TP53BP2: variants seen among roughly 807,000 people sequenced by gnomAD.
The protein encoded by TP53BP2 is apoptosis-stimulating of p53 protein 2.
TP53BP2 carries 62 observed loss-of-function variants against 126.2 expected under a neutral mutation model. That is an observed-to-expected ratio of 0.49 (90% confidence interval 0.40 to 0.61). The LOEUF (loss-of-function observed/expected upper bound fraction) is 0.61. Ranked by LOEUF, TP53BP2 falls within the 20% of genes least tolerant of loss-of-function variation. TP53BP2 has a pLI of 0.00. For synonymous variants in TP53BP2, 485 were observed against 502.9 expected (o/e 0.96, Z 0.48); for missense variants, 1,215 against 1,402.8 (o/e 0.87, Z 2.14).
Position 223,798,246 on chromosome 1 carries a change from C to A in TP53BP2, c.1917G>T (p.Lys639Asn). Reference protein sequence around the residue: ...FQQAVQSALTKTHTRGPHFSS... With the variant: ...FQQAVQSALTNTHTRGPHFSS... Reference sequence around the variant, plus strand: ...AAAAGTGTGGCCCTCTGGTATGAGTCTTGGTCAACGCGCTCTGCACAGCCT... The same window carrying A: ...AAAAGTGTGGCCCTCTGGTATGAGTATTGGTCAACGCGCTCTGCACAGCCT... Residue 639 changes from lysine to asparagine, a missense_variant, in exon 12 of 18, where the codon AAG becomes AAT. Physicochemically the swap from Lys to Asn is moderately conservative, Grantham distance 94. Transcript: ENST00000343537. 6.2e-7 allele frequency: 1 copy of A among 1,614,082 alleles called. No homozygotes were observed. Among genetic ancestry groups the A allele is most frequent in the Non-Finnish European group, 8.5e-7 (1 of 1,180,008 alleles).
intron 1 of TP53BP2, among the ~76,000 whole-genome samples, chr1:223,837,155 A>AG (rs139243545): frequency 0.12 from 8,914 of 74,186 alleles, 435 homozygotes; most frequent in South Asian, 0.23. Flanking sequence ...TAAAAAAAAA[A>AG]GGGGGGGGGC....
chr1:223,789,033 G>A lies in TP53BP2; in HGVS notation c.3138C>T (p.Tyr1046=), dbSNP rs568420934. Residue 1046 remains tyrosine (Y), a synonymous_variant, in exon 16 of 18, where the codon TAC becomes TAT. Transcript: ENST00000343537. ...ADKCEEMEEG[Y]TQCSQFLYGV... ...CATAAAGAAATTGGGAGCACTGAGT[G>A]TAGCCTTCCTCCATTTCCTCGCACT... 1 of 1,614,142 alleles carries A rather than the reference G, an allele frequency of 6.2e-7. No homozygotes were observed. Among genetic ancestry groups the A allele is most frequent in the Non-Finnish European group, 8.5e-7 (1 of 1,179,992 alleles).
intron 7 of TP53BP2, 69 bp from the exon 8 acceptor site, chr1:223,802,964 A>G: frequency 2.7e-6 from 4 of 1,483,580 alleles, no homozygotes; most frequent in Non-Finnish European, 3.7e-6. Context: ...AGTTAATCAC[A>G]TGGTTAACTA....
At chr1:223,797,481 C>G (rs758704399) in intron 12 of TP53BP2, among the ~76,000 whole-genome samples, 2 of 151,822 alleles carry the variant, frequency 1.3e-5, no homozygotes, top group East Asian at 3.9e-4. Context: ...TGCACCATCT[C>G]GGCTCACTGC....
At chr1:223,835,847 T>C (rs1347539136) in intron 1 of TP53BP2, among the ~76,000 whole-genome samples, 2 of 151,864 alleles carry the variant, frequency 1.3e-5, no homozygotes, top group Non-Finnish European at 2.9e-5. Flanking sequence ...ACGAAAAGGG[T>C]GCAATGTTGA....
chr1:223,822,037 G>A (rs993739446), intron 1 of TP53BP2, among the ~76,000 whole-genome samples: 49 of 151,904 alleles, frequency 3.2e-4, no homozygotes, highest in African/African-American at 1.1e-3. Context: ...GATTACAGGC[G>A]CATGCCATAT....
intron 1 of TP53BP2, among the ~76,000 whole-genome samples, chr1:223,829,947 C>T (rs1490993911): frequency 6.6e-6 from 1 of 152,010 alleles, no homozygotes; most frequent in Non-Finnish European, 1.5e-5. Context: ...AAATCAGGAA[C>T]ATCATTTTTT....
intron 1 of TP53BP2, among the ~76,000 whole-genome samples, chr1:223,839,547 A>G (rs2102891934): frequency 6.6e-6 from 1 of 152,332 alleles, no homozygotes; most frequent in Admixed American, 6.5e-5. Context: ...GTTTTCTACC[A>G]CTTTTCTATG....
rs561634932 is a variant in TP53BP2 at position 223,812,663 on chromosome 1, G to A, written c.289+1577C>T. On this transcript the variant is annotated intron_variant, in intron 3 of 17. Coordinates refer to ENST00000343537, the MANE Select transcript of TP53BP2 (RefSeq NM_001031685.3). ...CAACCGCCAACTCCCTGATTCAAGC[G>A]ATTCTCCCGCCTCAGCCTCCCGAGT... is the stretch of plus-strand genomic sequence containing the variant. Among the ~76,000 whole-genome samples the A allele has an allele frequency of 9.9e-5, 15 of 152,260 alleles. 1 individual carries two copies. In the South Asian group the frequency reaches 2.7e-3, roughly 27 times the overall value.
At chr1:223,789,868 C>T (rs1254887008) in intron 15 of TP53BP2, among the ~76,000 whole-genome samples, 1 of 152,086 alleles carries the variant, frequency 6.6e-6, no homozygotes, top group Non-Finnish European at 1.5e-5. Flanking sequence ...GTACAAGAGC[C>T]AGTACCACTG....
chr1:223,790,351 G>A (rs1217051508), intron 15 of TP53BP2, among the ~76,000 whole-genome samples: 1 of 151,878 alleles, frequency 6.6e-6, no homozygotes, highest in African/African-American at 2.4e-5. Flanking sequence ...GAGTTCAAGG[G>A]TTCAAGACCA....
intron 1 of TP53BP2, among the ~76,000 whole-genome samples, chr1:223,830,864 C>T (rs999795175): frequency 2.7e-4 from 41 of 152,114 alleles, no homozygotes; most frequent in African/African-American, 9.4e-4. Flanking sequence ...TTTGGGAGGC[C>T]GAGGCAGGAG....
Position 223,810,487 on chromosome 1 carries a change from T to C in TP53BP2, c.316A>G (p.Ser106Gly), listed in dbSNP as rs746610096. ...ACTTTTACACCATTTCTTTTTAAACTTGGATCCTGAGATCTTGGTCCACTC... is the reference window on the plus strand; with the variant it reads ...ACTTTTACACCATTTCTTTTTAAACCTGGATCCTGAGATCTTGGTCCACTC... ...IVSGPRSQDP[S>G]LKRNGVKVPG... Residue 106 changes from serine (S) to glycine (G), a missense_variant, in exon 4 of 18, where the codon AGT (serine) becomes GGT (glycine). Around this residue, in one of 4 missense-constraint regions of TP53BP2, gnomAD observed 814 missense variants for 853.0 expected, o/e 0.95. Coordinates refer to ENST00000343537, the MANE Select transcript of TP53BP2 (RefSeq NM_001031685.3). 6.8e-6 allele frequency: 11 copies of C among 1,608,318 alleles called. No homozygotes were observed. In the East Asian group the frequency reaches 2.5e-4, roughly 36 times the overall value.
At chr1:223,798,056 C>A (rs946176121) in intron 12 of TP53BP2, among the ~76,000 whole-genome samples, 159 bp downstream of exon 12, 3 of 152,130 alleles carry the variant, frequency 2.0e-5, no homozygotes, top group Admixed American at 6.5e-5. Context: ...AGACATTTAG[C>A]AAGCACTCTT....
In TP53BP2 at chr1:223,784,126, T is replaced by C. The variant is rs1267310368; in HGVS notation, c.3352A>G (p.Asn1118Asp). ...LNDKEGYVPRNLLGLYPRIKP... is the reference protein window; with the variant it reads ...LNDKEGYVPRDLLGLYPRIKP... ...TCAGAATAACTTACTCCCAGCAAGT[T>C]ACGTGGAACATATCCCTCCTTATCA... is the stretch of plus-strand genomic sequence containing the variant. Residue 1118 changes from asparagine (N) to aspartate (D), a missense_variant, in exon 17 of 18, where the codon AAC becomes GAC. Physicochemically the swap from Asn to Asp is conservative, Grantham distance 23 (BLOSUM62 1). Around this residue, in one of 4 missense-constraint regions of TP53BP2, gnomAD observed 151 missense variants for 231.2 expected, o/e 0.65. Transcript: ENST00000343537. 6.2e-7 allele frequency: 1 copy of C among 1,614,200 alleles called. No homozygotes were observed. Among genetic ancestry groups the C allele is most frequent in the Non-Finnish European group, 8.5e-7 (1 of 1,180,028 alleles).
At position 223,802,747 on chromosome 1, in the gene TP53BP2, T is replaced by A. The variant is rs202096786; in HGVS notation, c.980A>T (p.Gln327Leu). The A allele has an allele frequency of 1.2e-6, 2 of 1,614,116 alleles. No homozygotes were observed. The highest frequency in any genetic ancestry group is 2.7e-5 in the African/African-American group (2 of 75,056). Reference protein sequence around the residue: ...RLWKKKAALQQKENLPVSSDG... With the variant: ...RLWKKKAALQLKENLPVSSDG... ...CCCACTTACTGGTAGATTTTCTTTT[T>A]GCTGTAGAGCTGCCTTCTTCTTCCA... The change falls in exon 8 of 18, where the codon CAA becomes CTA. Residue 327 changes from glutamine (Q) to leucine (L), a missense_variant. Physicochemically the swap from Gln to Leu is moderately radical, Grantham distance 113. Around this residue, in one of 4 missense-constraint regions of TP53BP2, gnomAD observed 814 missense variants for 853.0 expected, o/e 0.95. Transcript: ENST00000343537.
In TP53BP2 at chr1:223,827,788, A is replaced by T. The variant is rs190376858; in HGVS notation, c.28-6421T>A. Among the ~76,000 whole-genome samples the T allele has an allele frequency of 4.3e-4, 65 of 152,174 alleles. No individual in the cohort carries two copies. The East Asian group carries it at 8.9e-3, about 21-fold the overall frequency. On this transcript the variant is annotated intron_variant, in intron 1 of 17. Coordinates refer to ENST00000343537, the MANE Select transcript of TP53BP2 (RefSeq NM_001031685.3). ...ATTCCCTTTTCCTTCCTTTACTTGG[A>T]AGAGGAAAAAAAAAATAAGAAAAAT... is the stretch of plus-strand genomic sequence containing the variant.
intron 3 of TP53BP2, among the ~76,000 whole-genome samples, chr1:223,812,515 T>C (rs555599068): frequency 6.6e-5 from 10 of 152,306 alleles, no homozygotes; most frequent in Middle Eastern, 3.4e-3. Flanking sequence ...CCCAAGTAGC[T>C]GGGATTACAG....
chr1:223,830,723 G>T (rs999590054), intron 1 of TP53BP2, among the ~76,000 whole-genome samples: 4 of 152,170 alleles, frequency 2.6e-5, no homozygotes, highest in Non-Finnish European at 5.9e-5. Context: ...ACCAACTCCT[G>T]TAAGTATAAA....
Sources: allele counts gnomAD v4.1 joint callset (sites outside exome capture counted in the v4.1 genomes callset), GRCh38; gene constraint gnomAD v4.1.1; regional missense constraint gnomAD v4.1.1; transcripts MANE v1.5; gene names NCBI Gene and HGNC (gene_info 2026-07-23, HGNC 2026-07-21).